The following FBXO34 variants were observed in gnomAD, a reference collection of about 807,000 sequenced individuals.
The protein encoded by FBXO34 is F-box only protein 34.
FBXO34 carries 12 observed loss-of-function variants against 24.5 expected under a neutral mutation model. The ratio of observed to expected loss-of-function variants is 0.49; its 90% CI spans 0.31 to 0.79. The LOEUF (loss-of-function observed/expected upper bound fraction) is 0.79, where lower values mean the gene tolerates loss of function less well. Ranked by LOEUF, FBXO34 falls within the 30% of genes least tolerant of loss-of-function variation. The pLI, the probability that FBXO34 is intolerant of heterozygous loss-of-function variation, is 0.04. For synonymous variants in FBXO34, 320 were observed against 311.9 expected (o/e 1.03, Z -0.27); for missense variants, 823 against 857.7 (o/e 0.96, Z 0.51).
chr14:55,414,020 T>C, the FBXO34 span: 15 of 535,712 alleles, frequency 2.8e-5, no homozygotes, highest in African/African-American at 2.5e-4. Flanking sequence ...CTAGAGAACA[T>C]GTATCAGGTG....
chr14:55,440,699 C>T, the FBXO34 span: 3 of 825,266 alleles, frequency 3.6e-6, no homozygotes, highest in Non-Finnish European at 5.4e-6. Context: ...AGGGGTGGGC[C>T]GGAGAGGGGC....
chr14:55,333,788 C>G (rs953597357), intron 1 of FBXO34, among the ~76,000 whole-genome samples: 6 of 150,420 alleles, frequency 4.0e-5, no homozygotes, highest in Admixed American at 6.6e-5. Flanking sequence ...AGTAAAGACT[C>G]ATGGGGAGAC....
the FBXO34 span, among the ~76,000 whole-genome samples, chr14:55,436,101 C>T: frequency 6.6e-6 from 1 of 152,060 alleles, no homozygotes; most frequent in African/African-American, 2.4e-5. Flanking sequence ...TGTAAAATCC[C>T]AAAGTGAAGT....
In FBXO34 at chr14:55,350,803, A is replaced by G; in HGVS notation, c.413A>G (p.Lys138Arg). The G allele has an allele frequency of 6.2e-7, 1 of 1,605,298 alleles. No homozygotes were observed. Among genetic ancestry groups the G allele is most frequent in the Non-Finnish European group, 8.5e-7 (1 of 1,177,584 alleles). ...AACAGGATAGGATCTATGAAAATAA[A>G]AAGTTCCTGGGATATTGATGGGAGA... ...CSNRIGSMKI[K>R]SSWDIDGRAT... Residue 138 changes from lysine to arginine, a missense_variant, in exon 2 of 2, where the codon AAA becomes AGA. Coordinates refer to ENST00000313833, the MANE Select transcript of FBXO34 (RefSeq NM_017943.4).
intron 1 of FBXO34, among the ~76,000 whole-genome samples, chr14:55,297,686 A>G (rs1012818276): frequency 1.3e-5 from 2 of 152,220 alleles, no homozygotes; most frequent in East Asian, 3.8e-4. Flanking sequence ...GAAATGCTAA[A>G]ATGTATATCT....
chr14:55,336,103 ACTG>A (rs1425978718), intron 1 of FBXO34, among the ~76,000 whole-genome samples: 9 of 152,328 alleles, frequency 5.9e-5, no homozygotes, highest in Middle Eastern at 3.4e-3. Flanking sequence ...TACTAATTAA[ACTG>A]CTCATTTAGA....
At chr14:55,404,670 G>T in the FBXO34 span, among the ~76,000 whole-genome samples, 1 of 152,156 alleles carries the variant, frequency 6.6e-6, no homozygotes, top group Non-Finnish European at 1.5e-5. Context: ...GGTGGGGGGT[G>T]CTGCCTCTCC....
chr14:55,411,105 C>G, the FBXO34 span, among the ~76,000 whole-genome samples: 1 of 152,208 alleles, frequency 6.6e-6, no homozygotes, highest in African/African-American at 2.4e-5. Context: ...TCAATTCACA[C>G]ATTAGAGTAA....
At chr14:55,298,583 C>A (rs556341617) in intron 1 of FBXO34, 2 of 793,906 alleles carry the variant, frequency 2.5e-6, no homozygotes, top group Non-Finnish European at 4.0e-6. Flanking sequence ...AGGGTGGAGG[C>A]GGAGGAGGGC....
chr14:55,326,110 C>T (rs916611593), intron 1 of FBXO34: 5 of 152,222 alleles, frequency 3.3e-5, no homozygotes, highest in Admixed American at 1.3e-4. Flanking sequence ...TTAGCATACA[C>T]AAAGCACAGC....
At chr14:55,413,060 G>A in the FBXO34 span, among the ~76,000 whole-genome samples, 1 of 152,086 alleles carries the variant, frequency 6.6e-6, no homozygotes, top group East Asian at 1.9e-4. Context: ...TACAAATCAC[G>A]TAGGATTACA....
intron 1 of FBXO34, among the ~76,000 whole-genome samples, chr14:55,346,659 A>G (rs1884169376): frequency 6.6e-6 from 1 of 152,298 alleles, no homozygotes. Flanking sequence ...GGGCTGGGGA[A>G]GAAGAGAGCT....
the FBXO34 span, among the ~76,000 whole-genome samples, chr14:55,387,068 C>T: frequency 1.3e-5 from 2 of 152,082 alleles, no homozygotes; most frequent in African/African-American, 2.4e-5. Flanking sequence ...TCCTAGTTAA[C>T]GCTCACCAAC....
At chr14:55,354,206 T>G (rs78451540), downstream of FBXO34, among the ~76,000 whole-genome samples, 428 of 152,308 alleles carry the variant, frequency 2.8e-3, 6 homozygotes, top group East Asian at 0.036. Context: ...GTGTTTTTCC[T>G]TATGACTCAC....
chr14:55,296,651 C>A (rs921787592), intron 1 of FBXO34, among the ~76,000 whole-genome samples: 1 of 151,978 alleles, frequency 6.6e-6, no homozygotes. Flanking sequence ...CTGCCTTGGT[C>A]TCCCAAAGTG....
chr14:55,314,565 A>AG (rs931643899), intron 1 of FBXO34, among the ~76,000 whole-genome samples: 2 of 152,220 alleles, frequency 1.3e-5, no homozygotes, highest in Admixed American at 6.5e-5. Flanking sequence ...GCTGAAAATA[A>AG]GGGAGTTACA....
chr14:55,301,255 A>G (rs1193686200), intron 1 of FBXO34, among the ~76,000 whole-genome samples: 1 of 152,118 alleles, frequency 6.6e-6, no homozygotes, highest in Non-Finnish European at 1.5e-5. Context: ...TGGGCAACAC[A>G]GTGAGACCTC....
At chr14:55,337,378 A>G (rs1458652142) in intron 1 of FBXO34, among the ~76,000 whole-genome samples, 2 of 152,234 alleles carry the variant, frequency 1.3e-5, no homozygotes, top group Non-Finnish European at 2.9e-5. Flanking sequence ...TGACACCACA[A>G]CAGTATATCT....
At chr14:55,341,770 G>T (rs1374765917) in intron 1 of FBXO34, among the ~76,000 whole-genome samples, 1 of 152,174 alleles carries the variant, frequency 6.6e-6, no homozygotes, top group African/African-American at 2.4e-5. Flanking sequence ...ATATGCTGGA[G>T]TTTTGTGGGT....
Sources: gnomAD v4.1 joint callset for allele counts (sites outside exome capture counted in the v4.1 genomes callset) on GRCh38, gnomAD v4.1.1 for gene constraint, MANE v1.5 for transcripts, NCBI Gene and HGNC (gene_info 2026-07-23, HGNC 2026-07-21) for gene names.